Variants in ROBO1 observed in about 807,000 individuals in gnomAD.
The protein encoded by ROBO1 is roundabout guidance receptor 1.
ROBO1 carries 149 observed loss-of-function variants against 195.9 expected under a neutral mutation model. The ratio of observed to expected loss-of-function variants is 0.76; its 90% CI spans 0.67 to 0.87. The LOEUF (loss-of-function observed/expected upper bound fraction) is 0.87. Ranked by LOEUF, ROBO1 falls within the 40% of genes least tolerant of loss-of-function variation. The pLI, the probability that ROBO1 is intolerant of heterozygous loss-of-function variation, is 0.00. For synonymous variants in ROBO1, 816 were observed against 733.2 expected (o/e 1.11, Z -1.82); for missense variants, 1,933 against 2,068.3 (o/e 0.93, Z 1.27).
chr3:78,887,244 G>A (rs1362238695), intron 4 of ROBO1, among the ~76,000 whole-genome samples: 1 of 152,128 alleles, frequency 6.6e-6, no homozygotes, highest in African/African-American at 2.4e-5. Context: ...GAGTCACACA[G>A]GCCTTGCATG....
At chr3:79,513,353 G>C (rs1053204321) in intron 2 of ROBO1, among the ~76,000 whole-genome samples, 1 of 151,504 alleles carries the variant, frequency 6.6e-6, no homozygotes, top group African/African-American at 2.4e-5. Context: ...TATTTTTAAG[G>C]AGAAAAAATA....
At chr3:79,453,021 T>C (rs1004494561) in intron 2 of ROBO1, among the ~76,000 whole-genome samples, 2 of 152,048 alleles carry the variant, frequency 1.3e-5, no homozygotes, top group African/African-American at 2.4e-5. Context: ...AAAGAATGTA[T>C]ACACATATTG....
At chr3:78,898,367 A>C (rs1467173534) in intron 4 of ROBO1, among the ~76,000 whole-genome samples, 1 of 146,828 alleles carries the variant, frequency 6.8e-6, no homozygotes, top group East Asian at 2.0e-4. Flanking sequence ...AGACAGATAG[A>C]TAGATAGATA....
chr3:78,973,222 AC>A (rs1392330938), intron 3 of ROBO1, among the ~76,000 whole-genome samples: 1 of 151,866 alleles, frequency 6.6e-6, no homozygotes, highest in African/African-American at 2.4e-5. Context: ...GGACTGTGTC[AC>A]CATGGAAAAC....
chr3:79,629,506 G>A (rs1477361897), intron 1 of ROBO1, among the ~76,000 whole-genome samples: 1 of 151,832 alleles, frequency 6.6e-6, no homozygotes, highest in African/African-American at 2.4e-5. Context: ...ATTAAGAGGA[G>A]GGTTTATAGC....
At chr3:79,423,212 G>A (rs1055308303) in intron 2 of ROBO1, among the ~76,000 whole-genome samples, 7 of 152,104 alleles carry the variant, frequency 4.6e-5, no homozygotes, top group Middle Eastern at 3.2e-3. Flanking sequence ...AGACCAAGAG[G>A]TAGTCTGAAA....
chr3:79,510,552 CTT>C lies in ROBO1; in HGVS notation c.88+79270_88+79271del, dbSNP rs11293666. On this transcript the variant is annotated intron_variant, in intron 2 of 30. Coordinates refer to ENST00000464233, the MANE Select transcript of ROBO1 (RefSeq NM_002941.4). ...ATGGTTATTTTGAACATCCTTTCTT[CTT>C]TTTTTTTTTTTTGAAAGGGTCAAGT... is the stretch of plus-strand genomic sequence containing the variant. Among the ~76,000 whole-genome samples the C allele has an allele frequency of 7.9e-3, 1,148 of 144,466 alleles. 14 individuals are homozygous for C. Among genetic ancestry groups the C allele is most frequent in the African/African-American group, 0.025 (973 of 39,428 alleles). The allele number at this position is 144,466 out of a possible 152,430, so 94.8% of individuals were successfully genotyped here.
intron 4 of ROBO1, among the ~76,000 whole-genome samples, chr3:78,932,056 A>G (rs953592231): frequency 6.6e-6 from 1 of 152,218 alleles, no homozygotes; most frequent in Admixed American, 6.5e-5. Context: ...TAATTATACT[A>G]AGGTTTAAAT....
At chr3:79,711,888 A>C (rs9871862) in intron 1 of ROBO1, among the ~76,000 whole-genome samples, 147,581 of 147,828 alleles carry the variant, frequency 1, 73,667 homozygotes, top group Middle Eastern at 1. Flanking sequence ...TGATCAGTAA[A>C]CTTTGACATT....
rs139429328 is a variant in ROBO1 at position 78,796,949 on chromosome 3, G to A, written c.500-50049C>T. On this transcript the variant is annotated intron_variant, in intron 4 of 30. Coordinates refer to ENST00000464233, the MANE Select transcript of ROBO1 (RefSeq NM_002941.4). Reference sequence around the variant, plus strand: ...ATTTGACCCTTTGTCTTCCAACCTCGTCTCTCATCTTTCTATCTCTTGTAC... The same window carrying A: ...ATTTGACCCTTTGTCTTCCAACCTCATCTCTCATCTTTCTATCTCTTGTAC... Among the ~76,000 whole-genome samples, 34 of 152,118 alleles carry A rather than the reference G, an allele frequency of 2.2e-4. 1 individual carries two copies. The East Asian group carries it at 4.3e-3, about 19-fold the overall frequency.
intron 1 of ROBO1, among the ~76,000 whole-genome samples, chr3:79,734,680 G>A (rs1000318034): frequency 2.0e-5 from 3 of 152,200 alleles, no homozygotes; most frequent in East Asian, 3.9e-4. Flanking sequence ...TTCAAATTGC[G>A]GAGTGCGTAC....
At chr3:79,660,566 C>T (rs1946299768) in intron 1 of ROBO1, among the ~76,000 whole-genome samples, 2 of 152,218 alleles carry the variant, frequency 1.3e-5, no homozygotes, top group South Asian at 4.1e-4. Flanking sequence ...TGTCCCTTTA[C>T]ATTATCAGCT....
rs1275209853 is a variant in ROBO1 at position 79,147,771 on chromosome 3, G to T, written c.89-22232C>A. Among the ~76,000 whole-genome samples the T allele has an allele frequency of 2.0e-5, 3 of 151,828 alleles. 1 individual carries two copies. The highest frequency in any genetic ancestry group is 2.0e-4 in the Admixed American group (3 of 15,210). ...ATTTAACCAATGTCAAACTGAACAC[G>T]GAATTTGTTTTACACTTGTTATTGA... On this transcript the variant is annotated intron_variant, in intron 2 of 30. Coordinates refer to ENST00000464233, the MANE Select transcript of ROBO1 (RefSeq NM_002941.4).
At chr3:79,569,793 A>G (rs993556902) in intron 2 of ROBO1, among the ~76,000 whole-genome samples, 2 of 151,964 alleles carry the variant, frequency 1.3e-5, no homozygotes, top group African/African-American at 4.8e-5. Context: ...GCTTTGAGGT[A>G]AACTGAAAGA....
At chr3:79,646,258 T>C (rs1340912354) in intron 1 of ROBO1, among the ~76,000 whole-genome samples, 1 of 151,958 alleles carries the variant, frequency 6.6e-6, no homozygotes, top group East Asian at 1.9e-4. Context: ...AAGATCTGAA[T>C]AGACACTTCT....
chr3:79,478,928 C>T (rs1938684940), intron 2 of ROBO1, among the ~76,000 whole-genome samples: 1 of 152,136 alleles, frequency 6.6e-6, no homozygotes, highest in African/African-American at 2.4e-5. Context: ...CCAGAATAAA[C>T]TACAAATAAA....
intron 1 of ROBO1, among the ~76,000 whole-genome samples, chr3:79,742,633 T>G (rs561283431): frequency 6.6e-6 from 1 of 152,328 alleles, no homozygotes; most frequent in East Asian, 1.9e-4. Context: ...CATGCAGTAC[T>G]GAGTCAATTA....
intron 2 of ROBO1, among the ~76,000 whole-genome samples, chr3:79,485,873 G>C (rs1473084353): frequency 6.6e-6 from 1 of 152,116 alleles, no homozygotes; most frequent in African/African-American, 2.4e-5. Flanking sequence ...TTGAAGACGG[G>C]AGTTTGGAAG....
intron 2 of ROBO1, among the ~76,000 whole-genome samples, chr3:79,560,583 A>T (rs1034814700): frequency 6.8e-6 from 1 of 148,008 alleles, no homozygotes; most frequent in Non-Finnish European, 1.5e-5. Flanking sequence ...ATAAAAAAAA[A>T]TACTTGCCAC....
Sources: allele counts gnomAD v4.1 joint callset (sites outside exome capture counted in the v4.1 genomes callset), GRCh38; gene constraint gnomAD v4.1.1; transcripts MANE v1.5; gene names NCBI Gene and HGNC (gene_info 2026-07-23, HGNC 2026-07-21).